The following NRXN3 variants were observed in gnomAD, a reference collection of about 807,000 sequenced individuals.
The protein encoded by NRXN3 is neurexin III.
In NRXN3, 32 loss-of-function variants were observed where a neutral mutation model predicts 137.6. The observed-to-expected ratio is 0.23, with a 90% CI of 0.18 to 0.31. NRXN3 has a LOEUF of 0.31. Among genes scored for constraint, NRXN3 ranks in the 10% least tolerant of loss-of-function variants. The probability of loss-of-function intolerance (pLI) is 1.00; values close to 1 mark genes in which losing one functional copy is unlikely to be tolerated. For missense variants in NRXN3, 1,574 were observed against 2,062.5 expected (o/e 0.76, Z 4.59); for synonymous variants, 798 against 784.5 (o/e 1.02, Z -0.29).
chr14:79,708,524 A>C (rs529956087), intron 19 of NRXN3, among the ~76,000 whole-genome samples: 1 of 151,118 alleles, frequency 6.6e-6, no homozygotes, highest in Admixed American at 6.6e-5. Context: ...AAAATATATG[A>C]TGTTCTATTT....
chr14:79,337,985 T>TCTGTC (rs1388081607), intron 15 of NRXN3, among the ~76,000 whole-genome samples: 1 of 152,054 alleles, frequency 6.6e-6, no homozygotes, highest in African/African-American at 2.4e-5. Context: ...CTCCTAAGAC[T>TCTGTC]CTGTCCTGTC....
intron 20 of NRXN3, among the ~76,000 whole-genome samples, chr14:79,837,495 G>GA (rs2099346544): frequency 6.6e-6 from 1 of 152,082 alleles, no homozygotes; most frequent in Non-Finnish European, 1.5e-5. Flanking sequence ...TAACCTGTGG[G>GA]AAAAGACCCA....
intron 11 of NRXN3, among the ~76,000 whole-genome samples, chr14:78,960,447 G>A (rs530692324): frequency 6.6e-6 from 1 of 152,096 alleles, no homozygotes. Context: ...TCCAATTTCA[G>A]CTAGTTTATA....
chr14:78,976,240 T>A (rs1323880924), intron 14 of NRXN3, among the ~76,000 whole-genome samples: 3 of 152,194 alleles, frequency 2.0e-5, no homozygotes, highest in East Asian at 3.9e-4. Context: ...TTAATTAGAA[T>A]CTTCCTATTC....
At chr14:78,423,889 C>T (rs1052530406) in intron 4 of NRXN3, among the ~76,000 whole-genome samples, 1 of 152,130 alleles carries the variant, frequency 6.6e-6, no homozygotes, top group Non-Finnish European at 1.5e-5. Context: ...GAAGACTTTC[C>T]GCTTAAGGAA....
chr14:79,710,111 T>C (rs1006839103), intron 19 of NRXN3, among the ~76,000 whole-genome samples: 3 of 152,160 alleles, frequency 2.0e-5, no homozygotes, highest in Non-Finnish European at 4.4e-5. Context: ...CCATTTAAAG[T>C]CAAAAATAAT....
At chr14:79,286,600 A>G (rs2082301041) in intron 15 of NRXN3, among the ~76,000 whole-genome samples, 1 of 150,152 alleles carries the variant, frequency 6.7e-6, no homozygotes, top group African/African-American at 2.4e-5. Flanking sequence ...TCCTAAGCAA[A>G]GCATTCCATC....
chr14:78,309,327 A>G (rs926070605), intron 4 of NRXN3, among the ~76,000 whole-genome samples: 1 of 151,760 alleles, frequency 6.6e-6, no homozygotes, highest in East Asian at 1.9e-4. Flanking sequence ...GGTTTGGGAT[A>G]TATGTGCAGA....
At chr14:78,824,348 T>C (rs2098960323) in intron 10 of NRXN3, among the ~76,000 whole-genome samples, 1 of 152,156 alleles carries the variant, frequency 6.6e-6, no homozygotes, top group African/African-American at 2.4e-5. Context: ...CTATTCTTTA[T>C]TTGTTTCCAT....
intron 14 of NRXN3, among the ~76,000 whole-genome samples, chr14:78,973,390 G>A (rs943404647): frequency 2.6e-5 from 4 of 152,086 alleles, no homozygotes; most frequent in African/African-American, 7.2e-5. Context: ...TTAAGTACTT[G>A]GGCTTTATGA....
At chr14:78,566,993 CT>C (rs1484993377) in intron 4 of NRXN3, among the ~76,000 whole-genome samples, 5 of 152,142 alleles carry the variant, frequency 3.3e-5, no homozygotes, top group Non-Finnish European at 1.5e-5. Context: ...AGGAACATCC[CT>C]GGGAGAGGAG....
chr14:79,427,162 G>A (rs80267963), intron 15 of NRXN3, among the ~76,000 whole-genome samples: 4,253 of 152,170 alleles, frequency 0.028, 200 homozygotes, highest in African/African-American at 0.097. Context: ...ACTAACAGGA[G>A]GAGAGATGCA....
chr14:79,292,061 C>T (rs2083294090), intron 15 of NRXN3, among the ~76,000 whole-genome samples: 1 of 152,168 alleles, frequency 6.6e-6, no homozygotes, highest in Non-Finnish European at 1.5e-5. Flanking sequence ...CACTCTAGTT[C>T]TTCCACTTAC....
intron 4 of NRXN3, among the ~76,000 whole-genome samples, chr14:78,320,423 G>T (rs2079189532): frequency 6.6e-6 from 1 of 152,282 alleles, no homozygotes. Flanking sequence ...TCTGGGTCGG[G>T]CTTGAGGTCG....
At chr14:79,429,140 TC>T (rs1360201314) in intron 15 of NRXN3, among the ~76,000 whole-genome samples, 1 of 152,156 alleles carries the variant, frequency 6.6e-6, no homozygotes, top group Admixed American at 6.5e-5. Context: ...AATTTGATAA[TC>T]TTTTTTTTCA....
intron 4 of NRXN3, among the ~76,000 whole-genome samples, chr14:78,316,189 G>A (rs1196053827): frequency 3.9e-5 from 6 of 152,018 alleles, no homozygotes; most frequent in Non-Finnish European, 8.8e-5. Flanking sequence ...ACAGGTGGAG[G>A]GATTAGGAAA....
chr14:78,399,741 A>G (rs566188252), intron 4 of NRXN3, among the ~76,000 whole-genome samples: 22 of 152,304 alleles, frequency 1.4e-4, no homozygotes, highest in African/African-American at 5.3e-4. Context: ...CATTCTAGCT[A>G]TTCGCTAGTC....
Position 79,176,886 on chromosome 14 carries a change from G to T in NRXN3, c.3262+188745G>T, listed in dbSNP as rs189332714. 7.7e-4 allele frequency among the ~76,000 whole-genome samples: 117 copies of T among 152,192 alleles called. 1 individual carries two copies. Among genetic ancestry groups the T allele is most frequent in the East Asian group, 1.2e-3 (6 of 5,180 alleles). On this transcript the variant is annotated intron_variant, in intron 15 of 20. Transcript: ENST00000335750. ...TTTGTACACCTTGCACCTATCACTG[G>T]CTTCATCACAGGATCCCTATCACAG...
In NRXN3 at chr14:79,670,979, A is replaced by C. The variant is rs566926100; in HGVS notation, c.3616+7030A>C. Among the ~76,000 whole-genome samples the C allele has an allele frequency of 3.9e-5, 6 of 152,248 alleles. No homozygotes were observed. In the East Asian group the frequency reaches 1.2e-3, roughly 30 times the overall value. The stretch of plus-strand genomic sequence containing the variant: ...CGGTTCCAAAGTGAGGGACATGTGC[A>C]CTGAATAAACACTTTCTCCCAGAGG... On this transcript the variant is annotated intron_variant, in intron 17 of 20. Transcript: ENST00000335750.
Sources: allele counts gnomAD v4.1 joint callset (sites outside exome capture counted in the v4.1 genomes callset), GRCh38; gene constraint gnomAD v4.1.1; transcripts MANE v1.5; gene names NCBI Gene and HGNC (gene_info 2026-07-23, HGNC 2026-07-21).